GUCY1A2: variants seen among roughly 807,000 people sequenced by gnomAD.
The protein encoded by GUCY1A2 is guanylate cyclase soluble subunit alpha-2.
GUCY1A2 carries 27 observed loss-of-function variants against 63.5 expected under a neutral mutation model. That is an observed-to-expected ratio of 0.43 (90% CI 0.31 to 0.59). The LOEUF is 0.59. Ranked by LOEUF, GUCY1A2 falls within the 20% of genes least tolerant of loss-of-function variation. GUCY1A2 has a pLI of 0.11. For synonymous variants in GUCY1A2, 364 were observed against 343.5 expected (o/e 1.06, Z -0.66); for missense variants, 768 against 913.3 (o/e 0.84, Z 2.05).
intron 4 of GUCY1A2, among the ~76,000 whole-genome samples, chr11:106,884,208 A>C (rs1266145790): frequency 2.0e-5 from 3 of 152,120 alleles, no homozygotes; most frequent in African/African-American, 7.2e-5. Flanking sequence ...GAAAGAAAGA[A>C]AGTGCTTCAT....
intron 6 of GUCY1A2, among the ~76,000 whole-genome samples, chr11:106,740,548 A>ATGAT (rs1387223492): frequency 2.0e-5 from 3 of 152,092 alleles, no homozygotes; most frequent in African/African-American, 7.2e-5. Context: ...CCCTCCTTCT[A>ATGAT]TGATGATTCA....
chr11:106,702,895 C>T (rs1424335502), intron 7 of GUCY1A2, among the ~76,000 whole-genome samples: 1 of 152,052 alleles, frequency 6.6e-6, no homozygotes, highest in African/African-American at 2.4e-5. Flanking sequence ...TATTGAGTGT[C>T]AACTTGATTG....
intron 5 of GUCY1A2, among the ~76,000 whole-genome samples, chr11:106,807,480 G>A (rs1394386207): frequency 6.6e-6 from 1 of 152,072 alleles, no homozygotes; most frequent in Non-Finnish European, 1.5e-5. Flanking sequence ...TTACTGCTAT[G>A]GATTTAGCAT....
At position 106,891,399 on chromosome 11, in the gene GUCY1A2, C is replaced by T. The variant is rs979967110; in HGVS notation, c.1206+48061G>A. 2.6e-5 allele frequency among the ~76,000 whole-genome samples: 4 copies of T among 151,896 alleles called. No individual in the cohort carries two copies. In the East Asian group the frequency reaches 7.7e-4, roughly 29 times the overall value. On this transcript the variant is annotated intron_variant, in intron 4 of 7. Transcript: ENST00000526355. ...ATATTTGCTCCCTGTCTGTGGATTG[C>T]CTTTTCACTTTCTGCCTTTTGATGA...
chr11:106,840,155 GTA>G (rs1306053036), intron 4 of GUCY1A2, among the ~76,000 whole-genome samples: 2 of 151,764 alleles, frequency 1.3e-5, no homozygotes, highest in African/African-American at 4.8e-5. Context: ...AAGAAATAAG[GTA>G]TCTCTCATCT....
At chr11:106,808,292 A>G (rs1459983937) in intron 5 of GUCY1A2, among the ~76,000 whole-genome samples, 1 of 152,106 alleles carries the variant, frequency 6.6e-6, no homozygotes, top group Admixed American at 6.6e-5. Flanking sequence ...ATTTATATAA[A>G]CATTTTGTAA....
At chr11:106,822,332 T>C (rs1858913902) in intron 4 of GUCY1A2, among the ~76,000 whole-genome samples, 1 of 152,190 alleles carries the variant, frequency 6.6e-6, no homozygotes, top group African/African-American at 2.4e-5. Context: ...ATTATGAATT[T>C]TTCCACTATT....
chr11:106,942,791 C>A (rs148996245), intron 3 of GUCY1A2, among the ~76,000 whole-genome samples: 4 of 152,012 alleles, frequency 2.6e-5, no homozygotes, highest in African/African-American at 9.6e-5. Flanking sequence ...TCACCATAGG[C>A]AACAAACTAA....
At chr11:106,804,183 A>G (rs1488158238) in intron 5 of GUCY1A2, among the ~76,000 whole-genome samples, 1 of 152,232 alleles carries the variant, frequency 6.6e-6, no homozygotes, top group African/African-American at 2.4e-5. Flanking sequence ...TAAATTTTTG[A>G]CTTAAGAAAT....
intron 4 of GUCY1A2, among the ~76,000 whole-genome samples, chr11:106,877,062 G>A (rs180838802): frequency 1.8e-4 from 28 of 152,140 alleles, no homozygotes; most frequent in Admixed American, 3.9e-4. Flanking sequence ...GTAAAGGGCC[G>A]TAAGCAAAGG....
intron 3 of GUCY1A2, among the ~76,000 whole-genome samples, chr11:106,971,590 A>G (rs1432047858): frequency 6.6e-6 from 1 of 152,140 alleles, no homozygotes; most frequent in African/African-American, 2.4e-5. Flanking sequence ...GCAAGAGGGA[A>G]AGGTTAGAAT....
rs891122949 is a variant in GUCY1A2, at chr11:106,917,955, G to A, written c.1206+21505C>T. 3.6e-5 allele frequency among the ~76,000 whole-genome samples: 5 copies of A among 138,970 alleles called. 1 individual carries two copies. The highest frequency in any genetic ancestry group is 2.6e-4 in the South Asian group (1 of 3,798). 91.2% of individuals were successfully genotyped at this position (138,970 alleles called of 152,430 possible). The stretch of plus-strand genomic sequence containing the variant: ...ACTTAAAGTATAAAAAAAAAAAAAA[G>A]AAATTAGCAAAGCCCAACAAGGAGA... On this transcript the variant is annotated intron_variant, in intron 4 of 7. Coordinates refer to ENST00000526355, the MANE Select transcript of GUCY1A2 (RefSeq NM_000855.3).
chr11:106,927,709 C>T (rs867002409), intron 4 of GUCY1A2, among the ~76,000 whole-genome samples: 5 of 151,560 alleles, frequency 3.3e-5, no homozygotes, highest in Non-Finnish European at 7.4e-5. Flanking sequence ...GGACTACAGG[C>T]GCCCACCACC....
At chr11:106,888,228 G>A (rs984116343) in intron 4 of GUCY1A2, among the ~76,000 whole-genome samples, 13 of 152,058 alleles carry the variant, frequency 8.5e-5, no homozygotes, top group Non-Finnish European at 1.2e-4. Flanking sequence ...GCAGGCCAAG[G>A]CGGGTGGATC....
intron 6 of GUCY1A2, among the ~76,000 whole-genome samples, chr11:106,751,193 G>T (rs970283626): frequency 9.2e-5 from 14 of 152,028 alleles, no homozygotes; most frequent in Admixed American, 2.0e-4. Flanking sequence ...CTAGTAAAGG[G>T]CAGAAATAGC....
At position 106,687,579 on chromosome 11, in the gene GUCY1A2, G is replaced by A. The variant is rs141163327; in HGVS notation, c.2169C>T (p.Gly723=). The change falls in exon 8 of 8, where the codon GGC becomes GGT. Residue 723 remains glycine, a synonymous_variant. Coordinates refer to ENST00000526355, the MANE Select transcript of GUCY1A2 (RefSeq NM_000855.3). ...SRIKKVSYNI[G]TMFLRETSL is the part of the protein sequence containing the mutation. ...GGCTTGTCTCCCGGAGGAACATGGT[G>A]CCGATGTTGTAGGAAACCTTTTTTA... 3.4e-4 allele frequency: 544 copies of A among 1,613,836 alleles called. 3 individuals carry two copies. The East Asian group carries it at 8.7e-3, about 26-fold the overall frequency.
At chr11:106,699,640 T>C (rs554907139) in intron 7 of GUCY1A2, among the ~76,000 whole-genome samples, 1 of 152,268 alleles carries the variant, frequency 6.6e-6, no homozygotes, top group African/African-American at 2.4e-5. Flanking sequence ...ACCACCAAGC[T>C]TTCCCTTCAT....
At chr11:107,011,006 AG>A (rs1362929444) in intron 1 of GUCY1A2, among the ~76,000 whole-genome samples, 6 of 152,238 alleles carry the variant, frequency 3.9e-5, no homozygotes, top group African/African-American at 1.4e-4. Context: ...CTGGGATTAC[AG>A]GCGTCAACCA....
chr11:106,862,946 G>A (rs1235069654), intron 4 of GUCY1A2, among the ~76,000 whole-genome samples: 1 of 152,078 alleles, frequency 6.6e-6, no homozygotes, highest in African/African-American at 2.4e-5. Flanking sequence ...CTAAGAGGAA[G>A]AAAGATCTGC....
Sources: gnomAD v4.1 joint callset for allele counts (sites outside exome capture counted in the v4.1 genomes callset) on GRCh38, gnomAD v4.1.1 for gene constraint, MANE v1.5 for transcripts, NCBI Gene and HGNC (gene_info 2026-07-23, HGNC 2026-07-21) for gene names.